KLHL29: variants seen among roughly 807,000 people sequenced by gnomAD.
KLHL29 encodes kelch-like protein 29.
KLHL29 carries 21 observed loss-of-function variants against 80.4 expected under a neutral mutation model. That is an observed-to-expected ratio of 0.26 (90% CI 0.19 to 0.38). The LOEUF is 0.38. Ranked by LOEUF, KLHL29 falls within the 10% of genes least tolerant of loss-of-function variation. KLHL29 has a pLI of 1.00. For synonymous variants in KLHL29, 511 were observed against 526.8 expected (o/e 0.97, Z 0.41); for missense variants, 867 against 1,223.9 (o/e 0.71, Z 4.35).
At chr2:23,515,412 C>T (rs1338984727) in intron 2 of KLHL29, among the ~76,000 whole-genome samples, 1 of 152,222 alleles carries the variant, frequency 6.6e-6, no homozygotes, top group East Asian at 1.9e-4. Flanking sequence ...ATATCCCTAC[C>T]CCTTCTTCAC....
At chr2:23,488,101 C>G (rs1399840552) in intron 2 of KLHL29, among the ~76,000 whole-genome samples, 1 of 152,238 alleles carries the variant, frequency 6.6e-6, no homozygotes, top group African/African-American at 2.4e-5. Flanking sequence ...CTTCCCATCT[C>G]CTTTGAACAG....
At chr2:23,615,756 C>T (rs564334640) in intron 3 of KLHL29, among the ~76,000 whole-genome samples, 2 of 152,196 alleles carry the variant, frequency 1.3e-5, no homozygotes, top group Non-Finnish European at 2.9e-5. Context: ...GTTAGGGTCA[C>T]TGCGTGGACA....
chr2:23,391,888 G>T (rs983071481), intron 1 of KLHL29, among the ~76,000 whole-genome samples: 1 of 152,164 alleles, frequency 6.6e-6, no homozygotes, highest in Non-Finnish European at 1.5e-5. Context: ...ATTTCCTCCC[G>T]AGTGTCTCTG....
intron 5 of KLHL29, among the ~76,000 whole-genome samples, chr2:23,663,156 C>G (rs953630360): frequency 1.3e-5 from 2 of 152,190 alleles, no homozygotes; most frequent in African/African-American, 4.8e-5. Context: ...TCCCAGCCCC[C>G]AAACCCCGCA....
At chr2:23,429,409 T>C (rs951183347) in intron 1 of KLHL29, among the ~76,000 whole-genome samples, 4 of 152,222 alleles carry the variant, frequency 2.6e-5, no homozygotes. Flanking sequence ...CACTGCATTC[T>C]ACAGATGTTT....
chr2:23,570,938 C>T (rs549330369), intron 3 of KLHL29, among the ~76,000 whole-genome samples: 76 of 152,352 alleles, frequency 5.0e-4, no homozygotes, highest in African/African-American at 1.5e-3. Flanking sequence ...AGATCAGGGC[C>T]GCCCAGTGTG....
intron 13 of KLHL29, among the ~76,000 whole-genome samples, chr2:23,704,682 G>A (rs540077254): frequency 1.1e-4 from 17 of 149,086 alleles, no homozygotes; most frequent in Non-Finnish European, 1.7e-4. Context: ...CAGGAGAATC[G>A]CTTGAACCCG....
chr2:23,526,151 G>A (rs949837047), intron 2 of KLHL29, among the ~76,000 whole-genome samples: 5 of 152,232 alleles, frequency 3.3e-5, no homozygotes, highest in African/African-American at 1.2e-4. Flanking sequence ...TCATTGAGTA[G>A]AAGATTCTGG....
At chr2:23,462,691 T>C (rs1664248735) in intron 1 of KLHL29, among the ~76,000 whole-genome samples, 1 of 152,328 alleles carries the variant, frequency 6.6e-6, no homozygotes, top group Non-Finnish European at 1.5e-5. Context: ...TGCCCAAACA[T>C]AAGGCAGTTC....
intron 2 of KLHL29, among the ~76,000 whole-genome samples, chr2:23,530,162 GTAC>G (rs1217860310): frequency 6.6e-6 from 1 of 152,244 alleles, no homozygotes; most frequent in Non-Finnish European, 1.5e-5. Context: ...GCTGGCTCTA[GTAC>G]TGTGGCGTAG....
At chr2:23,638,154 C>T (rs902630042) in intron 3 of KLHL29, among the ~76,000 whole-genome samples, 1 of 150,874 alleles carries the variant, frequency 6.6e-6, no homozygotes, top group African/African-American at 2.4e-5. Flanking sequence ...AATCCTCTCA[C>T]CCAAGAATAA....
At chr2:23,437,984 A>C (rs566047013) in intron 1 of KLHL29, among the ~76,000 whole-genome samples, 7 of 151,860 alleles carry the variant, frequency 4.6e-5, no homozygotes, top group African/African-American at 7.3e-5. Flanking sequence ...CTTTTATTTC[A>C]TTGAGCAGTG....
intron 5 of KLHL29, among the ~76,000 whole-genome samples, chr2:23,665,678 G>A (rs1670534725): frequency 6.6e-6 from 1 of 152,204 alleles, no homozygotes; most frequent in Non-Finnish European, 1.5e-5. Context: ...CACTCATGGT[G>A]GAGAGCAGAG....
intron 5 of KLHL29, chr2:23,668,890 G>A (rs1310693493): frequency 6.6e-6 from 1 of 152,442 alleles, no homozygotes; most frequent in Non-Finnish European, 1.5e-5. Context: ...CCCCGAGAGG[G>A]AGCCAGCCTG....
intron 1 of KLHL29, among the ~76,000 whole-genome samples, chr2:23,391,822 C>T (rs1485468985): frequency 2.0e-5 from 3 of 152,244 alleles, no homozygotes; most frequent in Admixed American, 2.0e-4. Flanking sequence ...AGAATACTGT[C>T]CAATAAAGAA....
chr2:23,493,662 CATGTGTGTGCATGTGTAT>C (rs1665172506), intron 2 of KLHL29, among the ~76,000 whole-genome samples: 1 of 151,662 alleles, frequency 6.6e-6, no homozygotes, highest in African/African-American at 2.4e-5. Flanking sequence ...TGTGTGCGCG[CATGTGTGTGCATGTGTAT>C]GTGTGTGTGC....
intron 1 of KLHL29, among the ~76,000 whole-genome samples, chr2:23,460,631 TGAG>T (rs1664183004): frequency 6.6e-6 from 1 of 151,736 alleles, no homozygotes; most frequent in East Asian, 2.0e-4. Flanking sequence ...AAGCAGAAGA[TGAG>T]GGACAGACAA....
chr2:23,507,350 AC>A (rs1301489881), intron 2 of KLHL29: 2 of 173,284 alleles, frequency 1.2e-5, no homozygotes, highest in Non-Finnish European at 2.6e-5. Flanking sequence ...GTGCTAGCCC[AC>A]CAGATAATAA....
intron 11 of KLHL29, among the ~76,000 whole-genome samples, chr2:23,699,997 C>G (rs1672266086): frequency 6.6e-6 from 1 of 152,206 alleles, no homozygotes; most frequent in Admixed American, 6.5e-5. Context: ...GCAGTCATTC[C>G]TACAAATACA....
Sources: allele counts gnomAD v4.1 joint callset (sites outside exome capture counted in the v4.1 genomes callset), GRCh38; gene constraint gnomAD v4.1.1; transcripts MANE v1.5; gene names NCBI Gene and HGNC (gene_info 2026-07-23, HGNC 2026-07-21).